DRGX: variants seen among roughly 807,000 people sequenced by gnomAD.
DRGX encodes the protein dorsal root ganglia homeobox.
In DRGX, 21 loss-of-function variants were observed where a neutral mutation model predicts 28.6. The observed-to-expected ratio is 0.73, with a 90% CI of 0.52 to 1.06. DRGX has a LOEUF of 1.06. Ranked by LOEUF, DRGX falls within the 50% of genes least tolerant of loss-of-function variation. DRGX has a pLI of 0.00. For missense variants in DRGX, 354 were observed against 343.9 expected, an observed-to-expected ratio of 1.03 and a Z score of -0.23; for synonymous variants, 136 against 139.1, an observed-to-expected ratio of 0.98 and a Z score of 0.16.
intron 6 of DRGX, among the ~76,000 whole-genome samples, chr10:49,373,583 G>A (rs1849683037): frequency 6.6e-6 from 1 of 152,008 alleles, no homozygotes; most frequent in Non-Finnish European, 1.5e-5. Flanking sequence ...GACCCCAGAG[G>A]GTTGCCCTGT....
Position 49,391,255 on chromosome 10 carries a change from G to A in DRGX, c.41C>T (p.Ala14Val), listed in dbSNP as rs761937134. Residue 14 changes from alanine (A) to valine (V), a missense_variant, in exon 3 of 7, where the codon GCA (alanine) becomes GTA (valine). By Grantham distance (64) the Ala-to-Val change is moderately conservative. Transcript: ENST00000374139. ...CCCCGAAGAGTGATTGCCAAAGGTT[G>A]CAGTGCCTACCAAGAGCAAACTGAT... ...FHCPPQLEGT[A>V]TFGNHSSGDF... 1 of 1,609,646 alleles carries A rather than the reference G, an allele frequency of 6.2e-7. No homozygotes were observed. The highest frequency in any genetic ancestry group is 1.1e-5 in the South Asian group (1 of 89,954).
At chr10:49,377,166 TCCCAGG>T (rs1849725696) in intron 6 of DRGX, among the ~76,000 whole-genome samples, 1 of 152,214 alleles carries the variant, frequency 6.6e-6, no homozygotes, top group Admixed American at 6.5e-5. Flanking sequence ...GAGGACCTTC[TCCCAGG>T]CCCAGAGCAA....
intron 2 of DRGX, among the ~76,000 whole-genome samples, chr10:49,393,883 C>G (rs1343401478): frequency 6.6e-6 from 1 of 152,198 alleles, no homozygotes; most frequent in Non-Finnish European, 1.5e-5. Flanking sequence ...CAGGCCAGGA[C>G]TCTCCCTAAC....
Position 49,364,753 on chromosome 10 carries a change from T to C in DRGX, c.*1363A>G, listed in dbSNP as rs1004794793. The C allele has an allele frequency of 2.0e-5, 3 of 152,088 alleles. No homozygotes were observed. Among genetic ancestry groups the C allele is most frequent in the African/African-American group, 7.2e-5 (3 of 41,396 alleles). 9.4% of individuals were successfully genotyped at this position (152,088 alleles called of 1,614,324 possible). On this transcript the variant is annotated 3_prime_UTR_variant, in exon 7 of 7. Coordinates refer to ENST00000374139, the MANE Select transcript of DRGX (RefSeq NM_001276451.2). ...GGCATGATACACTCAGGAGTATTAT[T>C]TGGGGGTCATGGAGTGGGGGAAGGT...
chr10:49,376,213 TG>T (rs1656555688), intron 6 of DRGX, among the ~76,000 whole-genome samples: 1 of 152,178 alleles, frequency 6.6e-6, no homozygotes, highest in Non-Finnish European at 1.5e-5. Context: ...CGTGGTAACA[TG>T]CTCAACAAAG....
At chr10:49,389,290 T>G (rs1172588364) in intron 4 of DRGX, among the ~76,000 whole-genome samples, 4 of 152,182 alleles carry the variant, frequency 2.6e-5, no homozygotes, top group Non-Finnish European at 4.4e-5. Context: ...TAAGAGATAC[T>G]AACATGACCC....
intron 6 of DRGX, among the ~76,000 whole-genome samples, chr10:49,369,065 A>G (rs558100706): frequency 1.3e-5 from 2 of 152,306 alleles, no homozygotes; most frequent in African/African-American, 2.4e-5. Flanking sequence ...GGTGAGTTCA[A>G]TGCTCTGTAA....
intron 6 of DRGX, among the ~76,000 whole-genome samples, chr10:49,367,296 A>C (rs1176918071): frequency 6.6e-6 from 1 of 152,066 alleles, no homozygotes; most frequent in Non-Finnish European, 1.5e-5. Flanking sequence ...CCAGGAGTTC[A>C]AGGGTACAGT....
Position 49,386,793 on chromosome 10 carries a change from T to G in DRGX, c.300A>C (p.Pro100=). 6.2e-7 allele frequency: 1 copy of G among 1,608,996 alleles called. No homozygotes were observed. Among genetic ancestry groups the G allele is most frequent in the Non-Finnish European group, 8.5e-7 (1 of 1,177,774 alleles). ...CCTCTGCCATGGGCTCCTTGGCTCC[T>G]GGCTCCTGGTCTGAGGCCCCTCTCT... ...KTERGASDQE[P]GAKEPMAEVT... Residue 100 remains proline, a synonymous_variant, in exon 5 of 7, where the codon CCA becomes CCC. Transcript: ENST00000374139.
intron 6 of DRGX, among the ~76,000 whole-genome samples, chr10:49,375,867 C>T (rs932654829): frequency 1.2e-4 from 18 of 152,184 alleles, no homozygotes; most frequent in African/African-American, 4.1e-4. Flanking sequence ...GCAGCCAGAG[C>T]TCGGCATGGG....
intron 2 of DRGX, among the ~76,000 whole-genome samples, chr10:49,392,926 A>T (rs1246241566): frequency 6.6e-6 from 1 of 152,268 alleles, no homozygotes; most frequent in East Asian, 1.9e-4. Context: ...AAAGACACCC[A>T]GTACAGATAT....
At chr10:49,373,482 C>T (rs1295659921) in intron 6 of DRGX, among the ~76,000 whole-genome samples, 2 of 152,282 alleles carry the variant, frequency 1.3e-5, no homozygotes, top group Middle Eastern at 3.4e-3. Flanking sequence ...AAATCCTAAA[C>T]CCCAAGGTGA....
At chr10:49,370,081 A>C (rs1400441759) in intron 6 of DRGX, among the ~76,000 whole-genome samples, 2 of 152,136 alleles carry the variant, frequency 1.3e-5, no homozygotes, top group African/African-American at 4.8e-5. Flanking sequence ...CTCAGCAGGC[A>C]GCTGACCCTG....
At chr10:49,376,159 C>A (rs914472279) in intron 6 of DRGX, among the ~76,000 whole-genome samples, 2 of 152,162 alleles carry the variant, frequency 1.3e-5, no homozygotes, top group African/African-American at 4.8e-5. Context: ...ACAGTTCTAT[C>A]TCTTCTCCAG....
At chr10:49,373,295 T>C (rs1365649019) in intron 6 of DRGX, among the ~76,000 whole-genome samples, 2 of 151,880 alleles carry the variant, frequency 1.3e-5, no homozygotes, top group Non-Finnish European at 1.5e-5. Flanking sequence ...TTTAGTACCA[T>C]GAAAAAGATA....
Position 49,386,684 on chromosome 10 carries a change from G to A in DRGX, c.409C>T (p.Gln137Ter), listed in dbSNP as rs770674902. The A allele has an allele frequency of 1.3e-6, 2 of 1,578,144 alleles. No homozygotes were observed. The highest frequency in any genetic ancestry group is 2.7e-5 in the African/African-American group (2 of 73,714). ...CCCAGAGACCCACAGCCTCACCTCTGCTGGGCCTCCAGCGCCTCCTTCTTA... is the reference window on the plus strand; with the variant it reads ...CCCAGAGACCCACAGCCTCACCTCTACTGGGCCTCCAGCGCCTCCTTCTTA... ...RSKKEALEAQ[Q>*]SLGRTVGPAG... The change falls in exon 5 of 7, where the codon CAG becomes TAG. Residue 137 changes from glutamine (Q) to a stop codon, truncating the protein, a stop_gained. Transcript: ENST00000374139. LOFTEE classifies it high-confidence loss of function.
chr10:49,391,096 G>A (rs1197816440), intron 3 of DRGX, 68 bp downstream of exon 3: 4 of 1,506,646 alleles, frequency 2.7e-6, no homozygotes, highest in African/African-American at 1.4e-5. Context: ...ACAAAGAAGA[G>A]TTGCTCAACT....
chr10:49,366,155 A>C lies in DRGX; in HGVS notation c.753T>G (p.Ser251=). ...CTGCCTCGCTCTGTTCCTTGGTGGG[A>C]GAGGTCTTTTCCTGGCTGCCATCTG... ...APPDGSQEKT[S]PTKEQSEAEK... is the part of the protein sequence containing the mutation. Residue 251 remains serine, a synonymous_variant, in exon 7 of 7, where the codon TCT becomes TCG. Transcript: ENST00000374139. The C allele has an allele frequency of 6.2e-7, 1 of 1,609,920 alleles. No individual in the cohort carries two copies. The highest frequency in any genetic ancestry group is 8.5e-7 in the Non-Finnish European group (1 of 1,177,596).
At chr10:49,373,908 A>G (rs1039338195) in intron 6 of DRGX, among the ~76,000 whole-genome samples, 2 of 152,232 alleles carry the variant, frequency 1.3e-5, no homozygotes, top group African/African-American at 4.8e-5. Context: ...AAATTTACTT[A>G]GAAATAGAAA....
Sources: allele counts gnomAD v4.1 joint callset (sites outside exome capture counted in the v4.1 genomes callset), GRCh38; gene constraint gnomAD v4.1.1; transcripts MANE v1.5; gene names NCBI Gene and HGNC (gene_info 2026-07-23, HGNC 2026-07-21).